Variants in ZNF654 observed in about 807,000 individuals in gnomAD.
ZNF654 encodes the protein melanoma-associated antigen.
In ZNF654, 19 loss-of-function variants were observed where a neutral mutation model predicts 95.3. The observed-to-expected ratio is 0.20, with a 90% CI of 0.14 to 0.29. The LOEUF is 0.29. Among genes scored for constraint, ZNF654 ranks in the 10% least tolerant of loss-of-function variants. The pLI is 1.00. For missense variants in ZNF654, 1,046 were observed against 1,341.0 expected (o/e 0.78, Z 3.44); for synonymous variants, 413 against 457.9 (o/e 0.90, Z 1.25).
In ZNF654 at chr3:88,140,670, A is replaced by G. The variant is rs374370953; in HGVS notation, c.3001A>G (p.Arg1001Gly). 9 of 1,613,662 alleles carry G rather than the reference A, an allele frequency of 5.6e-6. No individual in the cohort carries two copies. Among genetic ancestry groups the G allele is most frequent in the Non-Finnish European group, 5.1e-6 (6 of 1,179,760 alleles). ...SDPALKIDTNRIRTENGSILP... is the reference protein window; with the variant it reads ...SDPALKIDTNGIRTENGSILP... Reference sequence around the variant, plus strand: ...TCCTGCTTTGAAAATTGATACAAACAGAATCAGGACAGAAAATGGTTCCAT... The same window carrying G: ...TCCTGCTTTGAAAATTGATACAAACGGAATCAGGACAGAAAATGGTTCCAT... The change falls in exon 8 of 9, where the codon AGA (arginine) becomes GGA (glycine). Residue 1001 changes from arginine (R) to glycine (G), a missense_variant. Physicochemically the swap from Arg to Gly is moderately radical, Grantham distance 125 (BLOSUM62 -2). Coordinates refer to ENST00000636215, the MANE Select transcript of ZNF654 (RefSeq NM_001350134.2).
At chr3:88,120,271 T>G (rs1429765988) in intron 3 of ZNF654, among the ~76,000 whole-genome samples, 1 of 152,214 alleles carries the variant, frequency 6.6e-6, no homozygotes, top group Non-Finnish European at 1.5e-5. Context: ...ATTCTTTCTA[T>G]GCCATATTCC....
intron 2 of ZNF654, among the ~76,000 whole-genome samples, chr3:88,110,766 C>T (rs1705041458): frequency 6.6e-6 from 1 of 152,072 alleles, no homozygotes; most frequent in African/African-American, 2.4e-5. Context: ...AGGTTGGAAA[C>T]AAGAGGTTTC....
intron 1 of ZNF654, among the ~76,000 whole-genome samples, chr3:88,060,248 T>C (rs1424724217): frequency 6.6e-6 from 1 of 152,188 alleles, no homozygotes; most frequent in Non-Finnish European, 1.5e-5. Context: ...ATATATAATG[T>C]ATTTTATTTA....
chr3:88,117,133 A>G (rs1267321034), intron 3 of ZNF654, among the ~76,000 whole-genome samples: 1 of 152,218 alleles, frequency 6.6e-6, no homozygotes, highest in Non-Finnish European at 1.5e-5. Context: ...GAACTATCAA[A>G]TTGAAAGTAC....
chr3:88,071,665 G>A (rs1484904289), intron 1 of ZNF654, among the ~76,000 whole-genome samples: 3 of 151,748 alleles, frequency 2.0e-5, no homozygotes, highest in Admixed American at 6.6e-5. Context: ...TTAGCCGGGC[G>A]TGGTGGCGGG....
chr3:88,075,469 C>G (rs1169270480), intron 1 of ZNF654, among the ~76,000 whole-genome samples: 1 of 152,158 alleles, frequency 6.6e-6, no homozygotes, highest in Non-Finnish European at 1.5e-5. Context: ...AACCATGGAA[C>G]AGGTACCTAA....
intron 3 of ZNF654, among the ~76,000 whole-genome samples, chr3:88,125,172 G>C (rs1178589586): frequency 1.3e-5 from 2 of 150,642 alleles, no homozygotes; most frequent in Non-Finnish European, 2.9e-5. Context: ...CCAAGATCGT[G>C]CCACTGCACT....
chr3:88,117,156 TAGC>T (rs1705464663), intron 3 of ZNF654, among the ~76,000 whole-genome samples: 1 of 152,156 alleles, frequency 6.6e-6, no homozygotes, highest in African/African-American at 2.4e-5. Context: ...TGAAGGCAAT[TAGC>T]AGATTAACTC....
intron 2 of ZNF654, among the ~76,000 whole-genome samples, chr3:88,107,519 A>T (rs1479658484): frequency 6.6e-6 from 1 of 152,130 alleles, no homozygotes; most frequent in East Asian, 1.9e-4. Flanking sequence ...GCTCTCCTGA[A>T]TTTATGGATT....
intron 1 of ZNF654, among the ~76,000 whole-genome samples, chr3:88,076,134 A>G (rs1707790137): frequency 6.6e-6 from 1 of 152,184 alleles, no homozygotes; most frequent in South Asian, 2.1e-4. Context: ...TAATTTATCA[A>G]ATCTGTACAG....
At chr3:88,080,553 C>A (rs2107643874) in intron 1 of ZNF654, among the ~76,000 whole-genome samples, 2 of 152,136 alleles carry the variant, frequency 1.3e-5, no homozygotes, top group Middle Eastern at 6.8e-3. Flanking sequence ...GCTAAGGTTA[C>A]CAGCTAATAA....
intron 2 of ZNF654, among the ~76,000 whole-genome samples, chr3:88,111,484 A>G (rs1342736979): frequency 1.3e-5 from 2 of 151,862 alleles, no homozygotes; most frequent in South Asian, 2.1e-4. Context: ...GCTTAACAAT[A>G]TATCTTGGAA....
intron 1 of ZNF654, among the ~76,000 whole-genome samples, chr3:88,062,307 GA>G (rs1706930355): frequency 6.6e-6 from 1 of 152,170 alleles, no homozygotes; most frequent in Non-Finnish European, 1.5e-5. Flanking sequence ...CCATTATGTA[GA>G]CATGCTGGGA....
intron 1 of ZNF654, among the ~76,000 whole-genome samples, chr3:88,062,711 A>T (rs945293452): frequency 2.6e-5 from 4 of 152,222 alleles, no homozygotes; most frequent in Non-Finnish European, 5.9e-5. Flanking sequence ...AACCACTTTG[A>T]TATGTTGATT....
chr3:88,108,635 C>T (rs1447314769), intron 2 of ZNF654, among the ~76,000 whole-genome samples: 1 of 152,136 alleles, frequency 6.6e-6, no homozygotes, highest in Admixed American at 6.6e-5. Flanking sequence ...TATACGCTAC[C>T]TGCCCATTAG....
chr3:88,139,663 C>T lies in ZNF654; in HGVS notation c.1994C>T (p.Pro665Leu). 6.2e-7 allele frequency: 1 copy of T among 1,609,900 alleles called. No individual in the cohort carries two copies. Among genetic ancestry groups the T allele is most frequent in the Non-Finnish European group, 8.5e-7 (1 of 1,177,770 alleles). Residue 665 changes from proline to leucine, a missense_variant, in exon 8 of 9, where the codon CCC (proline) becomes CTC (leucine). By Grantham distance (98) the Pro-to-Leu change is moderately conservative. Around this residue, in one of 9 missense-constraint regions of ZNF654, gnomAD observed 495 missense variants for 537.0 expected, o/e 0.92. Coordinates refer to ENST00000636215, the MANE Select transcript of ZNF654 (RefSeq NM_001350134.2). ...CATGTGGCTGAATTCATTGAAATTC[C>T]CATAAGTGTACCAGAAGATGTTATT... ...PEHVAEFIEI[P>L]ISVPEDVIEN...
intron 1 of ZNF654, among the ~76,000 whole-genome samples, chr3:88,071,762 C>T (rs1425736536): frequency 6.6e-6 from 1 of 152,132 alleles, no homozygotes; most frequent in Admixed American, 6.5e-5. Flanking sequence ...TGAGATCGTA[C>T]CATTGCACTC....
intron 2 of ZNF654, among the ~76,000 whole-genome samples, chr3:88,110,786 G>C (rs907620333): frequency 6.6e-6 from 1 of 152,074 alleles, no homozygotes; most frequent in African/African-American, 2.4e-5. Flanking sequence ...CTAATTCTAC[G>C]TGTATTTCAG....
chr3:88,115,902 A>G (rs897535039), intron 3 of ZNF654, among the ~76,000 whole-genome samples: 2 of 152,194 alleles, frequency 1.3e-5, no homozygotes, highest in Admixed American at 1.3e-4. Flanking sequence ...GGAAATTAGG[A>G]TGGGAACTTT....
Sources: allele counts gnomAD v4.1 joint callset (sites outside exome capture counted in the v4.1 genomes callset), GRCh38; gene constraint gnomAD v4.1.1; regional missense constraint gnomAD v4.1.1; transcripts MANE v1.5; gene names NCBI Gene and HGNC (gene_info 2026-07-23, HGNC 2026-07-21).